GBE1: variants seen among roughly 807,000 people sequenced by gnomAD.
The protein encoded by GBE1 is 1,4-alpha-glucan-branching enzyme.
In GBE1, 70 loss-of-function variants were observed where a neutral mutation model predicts 88.8. That is an observed-to-expected ratio of 0.79 (90% CI 0.65 to 0.96). The LOEUF (loss-of-function observed/expected upper bound fraction) is 0.96, where lower values mean the gene tolerates loss of function less well. Ranked by LOEUF, GBE1 falls within the 40% of genes least tolerant of loss-of-function variation. GBE1 has a pLI of 0.00. For missense variants in GBE1, 872 were observed against 871.0 expected (o/e 1.00, Z -0.01); for synonymous variants, 284 against 300.1 (o/e 0.95, Z 0.56).
At chr3:81,652,658 T>C (rs1405794659) in intron 3 of GBE1, among the ~76,000 whole-genome samples, 3 of 152,222 alleles carry the variant, frequency 2.0e-5, no homozygotes, top group Non-Finnish European at 2.9e-5. Context: ...CAAGTATTTT[T>C]GTTATAGTAA....
chr3:81,583,181 C>A (rs1421666658), intron 10 of GBE1, among the ~76,000 whole-genome samples: 1 of 152,074 alleles, frequency 6.6e-6, no homozygotes, highest in Non-Finnish European at 1.5e-5. Flanking sequence ...TGTCACTACA[C>A]ACTGATTATA....
intron 3 of GBE1, among the ~76,000 whole-genome samples, chr3:81,659,770 C>A (rs922183471): frequency 3.9e-5 from 6 of 152,106 alleles, no homozygotes; most frequent in African/African-American, 7.2e-5. Context: ...ACACAGAATA[C>A]ATAATTCTAA....
chr3:81,629,037 TTTTA>T (rs1704465801), intron 7 of GBE1, among the ~76,000 whole-genome samples: 1 of 145,752 alleles, frequency 6.9e-6, no homozygotes, highest in African/African-American at 2.5e-5. Flanking sequence ...TTTTTTTTTT[TTTTA>T]TTATACTCTA....
intron 9 of GBE1, among the ~76,000 whole-genome samples, chr3:81,589,277 A>C (rs1703843031): frequency 6.6e-6 from 1 of 152,020 alleles, no homozygotes; most frequent in Non-Finnish European, 1.5e-5. Context: ...ACTTGAGCAA[A>C]ATAAGGTTGC....
intron 2 of GBE1, among the ~76,000 whole-genome samples, chr3:81,686,282 A>G (rs917359731): frequency 1.3e-5 from 2 of 152,162 alleles, no homozygotes; most frequent in African/African-American, 4.8e-5. Flanking sequence ...CATCTACAGC[A>G]TCTACTACAA....
chr3:81,665,741 C>T (rs1189147647), intron 3 of GBE1, among the ~76,000 whole-genome samples: 3 of 152,062 alleles, frequency 2.0e-5, no homozygotes, highest in East Asian at 1.9e-4. Flanking sequence ...AACCACATCC[C>T]GCAAAACACT....
chr3:81,625,182 C>G (rs975839220), intron 7 of GBE1, among the ~76,000 whole-genome samples: 1 of 151,894 alleles, frequency 6.6e-6, no homozygotes, highest in Admixed American at 6.6e-5. Context: ...TTCACTCCTG[C>G]CTTGATAGAA....
intron 3 of GBE1, among the ~76,000 whole-genome samples, chr3:81,666,392 A>C (rs1377337158): frequency 6.6e-6 from 1 of 152,220 alleles, no homozygotes; most frequent in African/African-American, 2.4e-5. Context: ...ATCATGTTGC[A>C]TAATTACAGA....
chr3:81,623,156 G>T (rs2107016841), intron 7 of GBE1, among the ~76,000 whole-genome samples: 1 of 152,252 alleles, frequency 6.6e-6, no homozygotes, highest in South Asian at 2.1e-4. Context: ...GGCCTACAAG[G>T]TTTTATATGA....
At chr3:81,638,593 C>G (rs1031159388) in intron 7 of GBE1, among the ~76,000 whole-genome samples, 1 of 152,120 alleles carries the variant, frequency 6.6e-6, no homozygotes, top group Admixed American at 6.6e-5. Context: ...AGAAAGTTCT[C>G]TTTACCAAAT....
At chr3:81,704,380 G>C (rs1705741904) in intron 2 of GBE1, among the ~76,000 whole-genome samples, 1 of 151,990 alleles carries the variant, frequency 6.6e-6, no homozygotes, top group Non-Finnish European at 1.5e-5. Flanking sequence ...TACATGTACA[G>C]TTCTATAAAT....
chr3:81,679,044 G>A (rs1046841689), intron 2 of GBE1, among the ~76,000 whole-genome samples: 19 of 152,148 alleles, frequency 1.2e-4, no homozygotes, highest in African/African-American at 3.9e-4. Context: ...AATGTACATC[G>A]GGCAAGGGAA....
At chr3:81,745,934 C>A (rs1238327462) in intron 1 of GBE1, among the ~76,000 whole-genome samples, 2 of 151,802 alleles carry the variant, frequency 1.3e-5, no homozygotes, top group Admixed American at 6.6e-5. Context: ...AGATAATGAA[C>A]CCTGATAAAT....
intron 2 of GBE1, among the ~76,000 whole-genome samples, chr3:81,680,378 C>G (rs1033734692): frequency 2.6e-5 from 4 of 151,916 alleles, no homozygotes; most frequent in African/African-American, 7.2e-5. Flanking sequence ...GCACTGTAAT[C>G]CCAGCTACTC....
chr3:81,678,247 A>G (rs574087540), intron 2 of GBE1, among the ~76,000 whole-genome samples: 1 of 152,330 alleles, frequency 6.6e-6, no homozygotes, highest in African/African-American at 2.4e-5. Flanking sequence ...CTGAGTATCT[A>G]AACATTAAAA....
intron 7 of GBE1, among the ~76,000 whole-genome samples, chr3:81,604,185 T>C (rs1249696504): frequency 6.6e-6 from 1 of 152,158 alleles, no homozygotes; most frequent in Non-Finnish European, 1.5e-5. Flanking sequence ...TTGTGCCTTT[T>C]CTTTATATTA....
intron 3 of GBE1, among the ~76,000 whole-genome samples, chr3:81,669,929 G>A (rs1705166365): frequency 1.3e-5 from 2 of 151,872 alleles, no homozygotes; most frequent in South Asian, 2.1e-4. Context: ...TAAACATACT[G>A]TGCATTTTGA....
intron 1 of GBE1, among the ~76,000 whole-genome samples, chr3:81,721,222 AATAAATAAAT>A: frequency 1.9e-5 from 2 of 106,814 alleles, no homozygotes; most frequent in Non-Finnish European, 3.6e-5. Context: ...TAAATAAATA[AATAAATAAAT>A]AAAAACACAT....
chr3:81,572,987 A>G (rs1703594808), intron 12 of GBE1, among the ~76,000 whole-genome samples: 1 of 152,196 alleles, frequency 6.6e-6, no homozygotes, highest in Non-Finnish European at 1.5e-5. Flanking sequence ...AGCACCAGAA[A>G]GCTGAGTAAA....
Sources: allele counts gnomAD v4.1 joint callset (sites outside exome capture counted in the v4.1 genomes callset), GRCh38; gene constraint gnomAD v4.1.1; transcripts MANE v1.5; gene names NCBI Gene and HGNC (gene_info 2026-07-23, HGNC 2026-07-21).